The following OXCT1 variants were observed in gnomAD, a reference collection of about 807,000 sequenced individuals.
OXCT1 encodes 3-oxoacid CoA-transferase 1, also known as succinyl-CoA:3-ketoacid coenzyme A transferase 1, mitochondrial.
Under a neutral mutation model 69.6 loss-of-function variants are expected in OXCT1, and 27 were observed. The ratio of observed to expected loss-of-function variants is 0.39; its 90% CI spans 0.29 to 0.54. The LOEUF is 0.54. Among genes scored for constraint, OXCT1 ranks in the 20% least tolerant of loss-of-function variants. OXCT1 has a pLI of 0.72. For missense variants in OXCT1, 437 were observed against 650.2 expected, an observed-to-expected ratio of 0.67 and a Z score of 3.57; for synonymous variants, 202 against 217.8, an observed-to-expected ratio of 0.93 and a Z score of 0.64.
chr5:41,805,352 A>G (rs112912281), intron 9 of OXCT1, among the ~76,000 whole-genome samples: 3 of 151,832 alleles, frequency 2.0e-5, no homozygotes, highest in African/African-American at 7.3e-5. Flanking sequence ...ATTGATTGCC[A>G]TTTTGTTTCA....
chr5:41,748,677 G>T (rs1200938480), intron 15 of OXCT1, among the ~76,000 whole-genome samples: 1 of 151,982 alleles, frequency 6.6e-6, no homozygotes, highest in African/African-American at 2.4e-5. Flanking sequence ...AAGCCTCCTA[G>T]CCCACTTCAA....
chr5:41,841,285 A>T (rs187206065), intron 6 of OXCT1, among the ~76,000 whole-genome samples: 2 of 152,276 alleles, frequency 1.3e-5, no homozygotes, highest in Admixed American at 1.3e-4. Context: ...AGCCACCAAT[A>T]TTTCTTTTGC....
chr5:41,856,961 TCCC>T (rs1451885605), intron 3 of OXCT1, among the ~76,000 whole-genome samples: 1 of 151,900 alleles, frequency 6.6e-6, no homozygotes, highest in African/African-American at 2.4e-5. Context: ...ACAATTCTAT[TCCC>T]CCAAATTCAA....
At chr5:41,862,813 A>T in intron 1 of OXCT1, 63 bp from the exon 2 acceptor site, 1 of 962,082 alleles carries the variant, frequency 1.0e-6, no homozygotes, top group Non-Finnish European at 1.7e-6. Flanking sequence ...TTGTGTGTGT[A>T]GCAATTTATT....
intron 1 of OXCT1, among the ~76,000 whole-genome samples, chr5:41,868,390 A>G (rs1750102557): frequency 6.6e-6 from 1 of 152,190 alleles, no homozygotes; most frequent in African/African-American, 2.4e-5. Context: ...ACATCTGAAA[A>G]GTTAAACAAG....
chr5:41,779,143 AC>A (rs1236750978), intron 13 of OXCT1, among the ~76,000 whole-genome samples: 1 of 152,172 alleles, frequency 6.6e-6, no homozygotes, highest in East Asian at 1.9e-4. Flanking sequence ...AAGTTTTACC[AC>A]CTCTCAAATA....
chr5:41,825,711 C>A (rs935033094), intron 7 of OXCT1, among the ~76,000 whole-genome samples: 3 of 152,112 alleles, frequency 2.0e-5, no homozygotes, highest in African/African-American at 7.2e-5. Flanking sequence ...CTCTTGCCTC[C>A]TCTCTCATCA....
Position 41,870,231 on chromosome 5 carries a change from T to C in OXCT1, c.78+50A>G. The C allele has an allele frequency of 7.0e-7, 1 of 1,421,486 alleles. No individual in the cohort carries two copies. The highest frequency in any genetic ancestry group is 1.2e-5 in the South Asian group (1 of 86,698). 88.1% of individuals were successfully genotyped at this position (1,421,486 alleles called of 1,614,324 possible). ...AGAAAACGCGGGCACCACTCAGGGTTTGGTCCACGTTCTTCCTGCCCATGG... is the reference window on the plus strand; with the variant it reads ...AGAAAACGCGGGCACCACTCAGGGTCTGGTCCACGTTCTTCCTGCCCATGG... On this transcript the variant is annotated intron_variant, in intron 1 of 16. Transcript: ENST00000196371. The surrounding 1 kb of genome is among the most constrained non-coding windows in gnomAD (Gnocchi z 4.2).
chr5:41,843,203 AT>A (rs1368787274), intron 5 of OXCT1, among the ~76,000 whole-genome samples: 11 of 152,224 alleles, frequency 7.2e-5, no homozygotes, highest in Non-Finnish European at 1.6e-4. Context: ...AAAATCTATC[AT>A]TCAGCTATCC....
chr5:41,756,437 T>C (rs1173180776), intron 14 of OXCT1, among the ~76,000 whole-genome samples: 1 of 152,112 alleles, frequency 6.6e-6, no homozygotes, highest in Non-Finnish European at 1.5e-5. Context: ...TTTTACTTTT[T>C]ATTTTATTGG....
intron 16 of OXCT1, among the ~76,000 whole-genome samples, chr5:41,736,183 G>A (rs1742876462): frequency 6.6e-6 from 1 of 152,188 alleles, no homozygotes; most frequent in African/African-American, 2.4e-5. Flanking sequence ...GTAATCATAT[G>A]GTTGGCTTCT....
intron 3 of OXCT1, among the ~76,000 whole-genome samples, chr5:41,854,584 GA>G (rs1203292177): frequency 6.6e-6 from 1 of 151,752 alleles, no homozygotes; most frequent in Non-Finnish European, 1.5e-5. Flanking sequence ...TTTTAATGGT[GA>G]AATTTTTTAA....
chr5:41,850,484 A>C (rs565587010), intron 4 of OXCT1, among the ~76,000 whole-genome samples: 2 of 152,286 alleles, frequency 1.3e-5, no homozygotes. Context: ...TTGATATTCT[A>C]AGTCAATTTT....
chr5:41,849,900 C>T, intron 5 of OXCT1, 130 bp downstream of exon 5: 1 of 921,268 alleles, frequency 1.1e-6, no homozygotes, highest in Non-Finnish European at 1.8e-6. Flanking sequence ...GAAATTTCAC[C>T]TATTTATGAA....
intron 3 of OXCT1, among the ~76,000 whole-genome samples, chr5:41,856,112 C>T (rs186390652): frequency 8.9e-4 from 135 of 152,104 alleles, no homozygotes; most frequent in Non-Finnish European, 1.6e-3. Flanking sequence ...AAGTTTTAAG[C>T]GGAAATATAA....
chr5:41,751,294 T>C (rs1478578563), intron 14 of OXCT1, among the ~76,000 whole-genome samples: 1 of 152,120 alleles, frequency 6.6e-6, no homozygotes, highest in Non-Finnish European at 1.5e-5. Context: ...AGCTCTTACT[T>C]AGTTCTCATT....
intron 14 of OXCT1, among the ~76,000 whole-genome samples, chr5:41,750,154 T>C (rs1743706932): frequency 6.7e-6 from 1 of 149,972 alleles, no homozygotes; most frequent in African/African-American, 2.4e-5. Flanking sequence ...TTTTTTTTTT[T>C]TTTTTTAGCA....
At chr5:41,852,382 T>A (rs1276868525) in intron 4 of OXCT1, among the ~76,000 whole-genome samples, 1 of 152,162 alleles carries the variant, frequency 6.6e-6, no homozygotes, top group Non-Finnish European at 1.5e-5. Flanking sequence ...TACTAATTTT[T>A]AAAAATCTAC....
chr5:41,777,095 T>C (rs1309531082), intron 13 of OXCT1, among the ~76,000 whole-genome samples: 1 of 152,206 alleles, frequency 6.6e-6, no homozygotes, highest in East Asian at 1.9e-4. Flanking sequence ...ACCTAAAATG[T>C]GCTTGTAGAA....
Sources: allele counts gnomAD v4.1 joint callset (sites outside exome capture counted in the v4.1 genomes callset), GRCh38; gene constraint gnomAD v4.1.1; non-coding constraint Gnocchi (gnomAD v3.1); transcripts MANE v1.5; gene names NCBI Gene and HGNC (gene_info 2026-07-23, HGNC 2026-07-21).